The following GRAMD2A variants were observed in gnomAD, a reference collection of about 807,000 sequenced individuals.
GRAMD2A encodes the protein GRAM domain-containing protein 2A.
Under a neutral mutation model 51.1 loss-of-function variants are expected in GRAMD2A, and 37 were observed. The observed-to-expected ratio is 0.72, with a 90% CI of 0.56 to 0.95. GRAMD2A has a LOEUF of 0.95. Among genes scored for constraint, GRAMD2A ranks in the 40% least tolerant of loss-of-function variants. GRAMD2A has a pLI of 0.00. For missense variants in GRAMD2A, 414 were observed against 426.9 expected (o/e 0.97, Z 0.27); for synonymous variants, 136 against 157.1 (o/e 0.87, Z 1.01).
At chr15:72,184,904 T>G (rs2081724329) in intron 1 of GRAMD2A, among the ~76,000 whole-genome samples, 1 of 152,090 alleles carries the variant, frequency 6.6e-6, no homozygotes, top group Non-Finnish European at 1.5e-5. Context: ...AACCGACAAA[T>G]CATAAAAACG....
rs567613292 is a variant in GRAMD2A, at chr15:72,187,483, T to TA, written c.41+10247dup. Among the ~76,000 whole-genome samples the TA allele has an allele frequency of 3.0e-3, 420 of 142,294 alleles. 2 individuals carry two copies. Among genetic ancestry groups the TA allele is most frequent in the African/African-American group, 9.4e-3 (364 of 38,846 alleles). 93.4% of individuals were successfully genotyped at this position (142,294 alleles called of 152,430 possible). ...AAAAAGAAAAAACAAAAAAGAAAAC[T>TA]AAAAAAAAAACAACAGTAAATTAAA... On this transcript the variant is annotated intron_variant, in intron 1 of 11. Coordinates refer to ENST00000309731, the MANE Select transcript of GRAMD2A (RefSeq NM_001012642.3).
At chr15:72,162,779 C>T (rs991634798) in intron 10 of GRAMD2A, 10 of 212,038 alleles carry the variant, frequency 4.7e-5, no homozygotes, top group East Asian at 1.1e-4. Flanking sequence ...GGTCAAAACC[C>T]GGCCAGCCGA....
rs1465995450 is a variant in GRAMD2A, at chr15:72,170,026, C to T, written c.42-87G>A. 1.1e-6 allele frequency: 1 copy of T among 935,226 alleles called. No homozygotes were observed. Among genetic ancestry groups the T allele is most frequent in the African/African-American group, 1.6e-5 (1 of 62,096 alleles). The allele number at this position is 935,226 out of a possible 1,614,324, so 57.9% of individuals were successfully genotyped here. A position where few individuals can be genotyped will look rare whatever the true frequency, so the allele number is the denominator to read the frequency against. ...CCCACCATGCCCATGGCCGCTGCCT[C>T]TGGCCCCCACCCAAGACTGGCCCTG... On this transcript the variant is annotated intron_variant, in intron 1 of 11. Transcript: ENST00000309731. The surrounding 1 kb of genome is among the most constrained non-coding windows in gnomAD (Gnocchi z 4.5).
intron 1 of GRAMD2A, among the ~76,000 whole-genome samples, chr15:72,197,141 G>A (rs2081811199): frequency 6.6e-6 from 1 of 152,212 alleles, no homozygotes; most frequent in Non-Finnish European, 1.5e-5. Context: ...CAGGTCTCGA[G>A]GCCGGGAGAC....
chr15:72,164,417 T>TA (rs572955404), intron 8 of GRAMD2A, among the ~76,000 whole-genome samples: 21 of 151,652 alleles, frequency 1.4e-4, no homozygotes, highest in Non-Finnish European at 2.5e-4. Flanking sequence ...TTTTATTTTT[T>TA]TTTTTTTTGA....
rs1217772690 is a variant in GRAMD2A, at chr15:72,167,091, A to G, written c.374T>C (p.Val125Ala). The change falls in exon 6 of 12, where the codon GTG becomes GCG. Residue 125 changes from valine (V) to alanine (A), a missense_variant and splice_region_variant. By Grantham distance (64) the Val-to-Ala change is moderately conservative (BLOSUM62 0). Coordinates refer to ENST00000309731, the MANE Select transcript of GRAMD2A (RefSeq NM_001012642.3). ...TTGCACAGACACCACAGGAATGACC[A>G]CCTGAGAGGGAGAGGGATGCTTCTC... ...HASLFGKDIK[V>A]VIPVVSVQMI... 2 of 1,610,182 alleles carry G rather than the reference A, an allele frequency of 1.2e-6. No individual in the cohort carries two copies. Among genetic ancestry groups the G allele is most frequent in the Non-Finnish European group, 1.7e-6 (2 of 1,176,560 alleles).
In GRAMD2A at chr15:72,170,190, A is replaced by G. The variant is rs1381673478; in HGVS notation, c.42-251T>C. The G allele has an allele frequency of 5.7e-5, 35 of 615,862 alleles. No individual in the cohort carries two copies. Among genetic ancestry groups the G allele is most frequent in the Admixed American group, 1.9e-4 (9 of 47,236 alleles). 38.1% of individuals were successfully genotyped at this position (615,862 alleles called of 1,614,324 possible). ...AAGTTCTGCTTATGCCTAGGCTGGG[A>G]GGAAAATCAACCTGTCTACCTCATC... On this transcript the variant is annotated intron_variant, in intron 1 of 11. Transcript: ENST00000309731. The surrounding 1 kb of genome is among the most constrained non-coding windows in gnomAD (Gnocchi z 4.5).
rs563385535 is a variant in GRAMD2A at position 72,167,656 on chromosome 15, C to T, written c.372+80G>A. On this transcript the variant is annotated intron_variant, in intron 5 of 11. Transcript: ENST00000309731. ...GGGGCCCAGCACGCAGAGAGATAGG[C>T]ATGACTTTGAGGCATGCCCGTGGGG... 9.2e-6 allele frequency: 10 copies of T among 1,083,058 alleles called. No homozygotes were observed. The South Asian group carries it at 1.3e-4, about 14-fold the overall frequency. The allele number at this position is 1,083,058 out of a possible 1,614,324, so 67.1% of individuals were successfully genotyped here. A position where few individuals can be genotyped will look rare whatever the true frequency, so the allele number is the denominator to read the frequency against.
chr15:72,163,874 G>A, intron 8 of GRAMD2A, 117 bp from the exon 9 acceptor site: 1 of 1,089,258 alleles, frequency 9.2e-7, no homozygotes, highest in Non-Finnish European at 1.3e-6. Context: ...TAGATGCCTA[G>A]CCAGGGATGG....
Position 72,166,675 on chromosome 15 carries a change from T to A in GRAMD2A, c.500A>T (p.Asp167Val). Residue 167 changes from aspartate (D) to valine (V), a missense_variant, in exon 7 of 12, where the codon GAC becomes GTC. Coordinates refer to ENST00000309731, the MANE Select transcript of GRAMD2A (RefSeq NM_001012642.3). This position sits in a 1 kb window ranked among gnomAD's most constrained non-coding sequence, Gnocchi z 4.1. ...KYIFVSLLSRDSVYDLLRRVC... is the reference protein window; with the variant it reads ...KYIFVSLLSRVSVYDLLRRVC... ...TCTCCTCAGCAGGTCATATACACTG[T>A]CCCGGGAGAGCAGTGACACAAAGAT... 1 of 1,613,688 alleles carries A rather than the reference T, an allele frequency of 6.2e-7. No individual in the cohort carries two copies. The highest frequency in any genetic ancestry group is 1.3e-5 in the African/African-American group (1 of 74,970).
intron 1 of GRAMD2A, among the ~76,000 whole-genome samples, chr15:72,174,252 A>G (rs2081635643): frequency 6.6e-6 from 1 of 152,224 alleles, no homozygotes. Flanking sequence ...TCACCAGCAG[A>G]ACCACTCAGG....
chr15:72,181,904 G>A (rs1422044231), intron 1 of GRAMD2A, among the ~76,000 whole-genome samples: 2 of 152,216 alleles, frequency 1.3e-5, no homozygotes, highest in African/African-American at 2.4e-5. Flanking sequence ...AGAGGAGCTA[G>A]TAAGACTGTG....
rs1352023458 is a variant in GRAMD2A, at chr15:72,171,620, CT to C, written c.42-1682del. 2.6e-5 allele frequency among the ~76,000 whole-genome samples: 4 copies of C among 152,116 alleles called. No homozygotes were observed. The East Asian group carries it at 7.7e-4, about 29-fold the overall frequency. On this transcript the variant is annotated intron_variant, in intron 1 of 11. Coordinates refer to ENST00000309731, the MANE Select transcript of GRAMD2A (RefSeq NM_001012642.3). ...TGTTTCCCCATATTCATGCCCTTCT[CT>C]GGATATTGTCTCTCGCTCACCTTTG...
chr15:72,164,939 G>T (rs796926954), intron 8 of GRAMD2A, among the ~76,000 whole-genome samples: 6 of 152,304 alleles, frequency 3.9e-5, no homozygotes, highest in African/African-American at 1.4e-4. Context: ...ATGAATTCGA[G>T]ATCAGCTTGG....
chr15:72,163,906 G>T, intron 8 of GRAMD2A, 149 bp from the exon 9 acceptor site: 1 of 755,454 alleles, frequency 1.3e-6, no homozygotes, highest in Non-Finnish European at 2.1e-6. Context: ...AGCGAGGAGG[G>T]CAGTTGCTAT....
At chr15:72,168,657 C>A in intron 3 of GRAMD2A, 91 bp from the exon 4 acceptor site, 1 of 1,095,532 alleles carries the variant, frequency 9.1e-7, no homozygotes, top group Non-Finnish European at 1.4e-6. Flanking sequence ...CCACAGCCCC[C>A]CGGCCCATGC....
At chr15:72,177,847 C>T (rs1372649850) in intron 1 of GRAMD2A, among the ~76,000 whole-genome samples, 2 of 152,174 alleles carry the variant, frequency 1.3e-5, no homozygotes, top group African/African-American at 2.4e-5. Flanking sequence ...CATGTATCAG[C>T]CCCCTGAGTA....
chr15:72,191,163 G>A (rs2081765208), intron 1 of GRAMD2A, among the ~76,000 whole-genome samples: 2 of 152,020 alleles, frequency 1.3e-5, no homozygotes, highest in African/African-American at 4.8e-5. Context: ...TCTAGTACTG[G>A]CTACACCTCA....
rs2081452940 is a variant in GRAMD2A, at chr15:72,159,931, C to T, written c.*2078G>A. ...GGAGCATCAGCCAATGCAAGCAGGT[C>T]TATATAAAATACACATCATTTATAA... On this transcript the variant is annotated 3_prime_UTR_variant, in exon 12 of 12. Transcript: ENST00000309731. 1 of 152,176 alleles carries T rather than the reference C, an allele frequency of 6.6e-6. No individual in the cohort carries two copies. The highest frequency in any genetic ancestry group is 2.4e-5 in the African/African-American group (1 of 41,424). The allele number at this position is 152,176 out of a possible 1,614,324, so 9.4% of individuals were successfully genotyped here.
Sources: gnomAD v4.1 joint callset for allele counts (sites outside exome capture counted in the v4.1 genomes callset) on GRCh38, gnomAD v4.1.1 for gene constraint, Gnocchi (gnomAD v3.1) non-coding constraint, MANE v1.5 for transcripts, NCBI Gene and HGNC (gene_info 2026-07-23, HGNC 2026-07-21) for gene names.